The following PCDH9 variants were observed in gnomAD, a reference collection of about 807,000 sequenced individuals.
PCDH9 encodes the protein protocadherin 9, also known as protocadherin-9.
In PCDH9, 24 loss-of-function variants were observed where a neutral mutation model predicts 70.6. That is an observed-to-expected ratio of 0.34 (90% CI 0.25 to 0.48). The LOEUF (loss-of-function observed/expected upper bound fraction) is 0.48, where lower values mean the gene tolerates loss of function less well. Among genes scored for constraint, PCDH9 ranks in the 20% least tolerant of loss-of-function variants. The pLI is 0.99. For synonymous variants in PCDH9, 562 were observed against 558.5 expected, an observed-to-expected ratio of 1.01 and a Z score of -0.09; for missense variants, 1,281 against 1,503.6, an observed-to-expected ratio of 0.85 and a Z score of 2.45.
chr13:66,777,845 C>T (rs372860157), intron 3 of PCDH9, among the ~76,000 whole-genome samples: 6 of 152,018 alleles, frequency 3.9e-5, no homozygotes, highest in East Asian at 3.9e-4. Flanking sequence ...ATGTTTCTTG[C>T]GGCACTATTC....
intron 4 of PCDH9, among the ~76,000 whole-genome samples, chr13:66,587,140 A>G (rs2076973527): frequency 6.6e-6 from 1 of 151,930 alleles, no homozygotes. Context: ...TACAAAAAAT[A>G]TTTGAAAATT....
chr13:67,044,863 T>A (rs573857186), intron 2 of PCDH9, among the ~76,000 whole-genome samples: 1 of 152,240 alleles, frequency 6.6e-6, no homozygotes, highest in South Asian at 2.1e-4. Context: ...ACACAGAGCA[T>A]GGCCTGTTAA....
Position 66,522,416 on chromosome 13 carries a change from A to G in PCDH9, c.3340+108794T>C, listed in dbSNP as rs9571590. ...GCTTTCAGTATGAAGTAAATATACT[A>G]AGATTTCAAAATTCAATAAGAAAGA... On this transcript the variant is annotated intron_variant, in intron 4 of 4. Coordinates refer to ENST00000377865, the MANE Select transcript of PCDH9 (RefSeq NM_203487.3). 4.5e-3 allele frequency among the ~76,000 whole-genome samples: 688 copies of G among 152,220 alleles called. 15 individuals are homozygous for G. The highest frequency in any genetic ancestry group is 0.04 in the East Asian group (209 of 5,164).
chr13:66,431,197 A>T (rs533204884), intron 4 of PCDH9, among the ~76,000 whole-genome samples: 4 of 152,186 alleles, frequency 2.6e-5, no homozygotes, highest in African/African-American at 7.2e-5. Context: ...AAAGGAGCAA[A>T]TTTGAGTTTA....
chr13:66,446,867 G>A (rs567731633), intron 4 of PCDH9, among the ~76,000 whole-genome samples: 1 of 152,094 alleles, frequency 6.6e-6, no homozygotes, highest in South Asian at 2.1e-4. Context: ...GAATGCACTT[G>A]TAAATGAACA....
intron 4 of PCDH9, among the ~76,000 whole-genome samples, chr13:66,530,827 C>A (rs1001007417): frequency 6.6e-6 from 1 of 151,968 alleles, no homozygotes; most frequent in African/African-American, 2.4e-5. Flanking sequence ...CTGGGGAGAA[C>A]ACTAACTGCT....
At chr13:66,733,885 T>A (rs549352009) in intron 3 of PCDH9, among the ~76,000 whole-genome samples, 1 of 152,254 alleles carries the variant, frequency 6.6e-6, no homozygotes, top group Non-Finnish European at 1.5e-5. Context: ...ACAGAACACA[T>A]CAACCTATTT....
At chr13:66,417,422 T>C (rs1957479899) in intron 4 of PCDH9, among the ~76,000 whole-genome samples, 1 of 152,228 alleles carries the variant, frequency 6.6e-6, no homozygotes, top group African/African-American at 2.4e-5. Context: ...TTATCAAGTC[T>C]AACATTGATG....
intron 3 of PCDH9, among the ~76,000 whole-genome samples, chr13:66,732,230 G>A (rs2079088344): frequency 6.6e-6 from 1 of 151,778 alleles, no homozygotes; most frequent in South Asian, 2.1e-4. Flanking sequence ...GGGTAATTGA[G>A]GTAGGTTTTA....
At chr13:66,835,092 G>A (rs555671046) in intron 3 of PCDH9, among the ~76,000 whole-genome samples, 1 of 152,188 alleles carries the variant, frequency 6.6e-6, no homozygotes, top group East Asian at 1.9e-4. Flanking sequence ...ACAAGGCCTG[G>A]TATGTCCTGA....
At chr13:66,608,574 C>T (rs1299150671) in intron 4 of PCDH9, among the ~76,000 whole-genome samples, 2 of 151,844 alleles carry the variant, frequency 1.3e-5, no homozygotes, top group Admixed American at 6.6e-5. Context: ...TCCAATTCCC[C>T]AAACTAATAG....
At chr13:67,063,367 G>A (rs2085576886) in intron 2 of PCDH9, among the ~76,000 whole-genome samples, 1 of 152,168 alleles carries the variant, frequency 6.6e-6, no homozygotes, top group African/African-American at 2.4e-5. Context: ...AGCAGCAGCT[G>A]CCATTTATTA....
chr13:66,762,598 C>T (rs112192424), intron 3 of PCDH9, among the ~76,000 whole-genome samples: 2 of 152,082 alleles, frequency 1.3e-5, no homozygotes, highest in African/African-American at 4.8e-5. Flanking sequence ...CAACGAGGCA[C>T]TGTAATCTCC....
intron 3 of PCDH9, among the ~76,000 whole-genome samples, chr13:66,790,568 T>C (rs2080148413): frequency 6.6e-6 from 1 of 152,112 alleles, no homozygotes; most frequent in Non-Finnish European, 1.5e-5. Context: ...GGTTTTTTAA[T>C]TCATCTATAA....
chr13:66,870,921 A>C (rs1049449176), intron 3 of PCDH9, among the ~76,000 whole-genome samples: 2 of 152,196 alleles, frequency 1.3e-5, no homozygotes, highest in African/African-American at 4.8e-5. Context: ...TCATGCTGCT[A>C]TAAAGACACA....
At position 66,704,414 on chromosome 13, in the gene PCDH9, C is replaced by T. The variant is rs181207992; in HGVS notation, c.3139-73003G>A. Among the ~76,000 whole-genome samples the T allele has an allele frequency of 3.7e-3, 563 of 152,284 alleles. 5 individuals carry two copies. The highest frequency in any genetic ancestry group is 4.7e-3 in the Non-Finnish European group (320 of 68,010). Reference sequence around the variant, plus strand: ...TCTTAGGGCTGTTTTCTTTCTGTAACATTTTTGCCTTACATAGACAATTCA... The same window carrying T: ...TCTTAGGGCTGTTTTCTTTCTGTAATATTTTTGCCTTACATAGACAATTCA... On this transcript the variant is annotated intron_variant, in intron 3 of 4. Transcript: ENST00000377865.
At chr13:66,611,803 G>A (rs760311870) in intron 4 of PCDH9, among the ~76,000 whole-genome samples, 3 of 152,148 alleles carry the variant, frequency 2.0e-5, no homozygotes, top group Admixed American at 1.3e-4. Context: ...CATAATAACA[G>A]CTAACATAAT....
At chr13:66,986,896 T>C (rs2083902345) in intron 2 of PCDH9, among the ~76,000 whole-genome samples, 1 of 151,910 alleles carries the variant, frequency 6.6e-6, no homozygotes, top group Non-Finnish European at 1.5e-5. Context: ...ATAGTGTGGT[T>C]CCATTACTAT....
At chr13:66,318,443 C>T (rs1033275559) in intron 4 of PCDH9, among the ~76,000 whole-genome samples, 1 of 152,106 alleles carries the variant, frequency 6.6e-6, no homozygotes, top group Admixed American at 6.5e-5. Context: ...CCATTGTCAT[C>T]ACACTTTTAT....
Sources: allele counts gnomAD v4.1 joint callset (sites outside exome capture counted in the v4.1 genomes callset), GRCh38; gene constraint gnomAD v4.1.1; transcripts MANE v1.5; gene names NCBI Gene and HGNC (gene_info 2026-07-23, HGNC 2026-07-21).